LRRC7: variants seen among roughly 807,000 people sequenced by gnomAD.
LRRC7 encodes the protein leucine rich repeat containing 7.
Under a neutral mutation model 175.7 loss-of-function variants are expected in LRRC7, and 23 were observed. The observed-to-expected ratio is 0.13, with a 90% CI of 0.09 to 0.19. The LOEUF (loss-of-function observed/expected upper bound fraction) is 0.19. Ranked by LOEUF, LRRC7 falls within the 10% of genes least tolerant of loss-of-function variation. LRRC7 has a pLI of 1.00. For missense variants in LRRC7, 1,354 were observed against 1,904.7 expected (o/e 0.71, Z 5.38); for synonymous variants, 685 against 680.9 (o/e 1.01, Z -0.09).
rs181324458 is a variant in LRRC7 at position 70,040,593 on chromosome 1, G to A, written c.3969+800G>A. Among the ~76,000 whole-genome samples, 209 of 152,050 alleles carry A rather than the reference G, an allele frequency of 1.4e-3. 1 individual carries two copies. The highest frequency in any genetic ancestry group is 2.4e-3 in the Non-Finnish European group (160 of 67,972). On this transcript the variant is annotated intron_variant, in intron 21 of 26. Coordinates refer to ENST00000651989, the MANE Select transcript of LRRC7 (RefSeq NM_001370785.2). ...TCCCAGCACTTTGGGAGGCCGAGGC[G>A]GGCGGTCAGGAACTCGAGACCAGCC...
intron 22 of LRRC7, among the ~76,000 whole-genome samples, 175 bp from the exon 23 acceptor site, chr1:70,052,851 C>T (rs1660849622): frequency 6.6e-6 from 1 of 152,008 alleles, no homozygotes; most frequent in African/African-American, 2.4e-5. Context: ...TTCCAAAAAG[C>T]TTTCAATTTA....
rs538707734 is a variant in LRRC7 at position 70,036,595 on chromosome 1, T to C, written c.2259T>C (p.Asp753=). ...GGTCCTTGCAGACAACAGCTAAAGA[T>C]GCAGTACATAATTCTTTGTGGGGTA... ...KVGSLQTTAK[D]AVHNSLWGNR... Residue 753 remains aspartate (D), a synonymous_variant, in exon 20 of 27, where the codon GAT becomes GAC. Coordinates refer to ENST00000651989, the MANE Select transcript of LRRC7 (RefSeq NM_001370785.2). 5 of 1,613,802 alleles carry C rather than the reference T, an allele frequency of 3.1e-6. No homozygotes were observed. The South Asian group carries it at 5.5e-5, about 18-fold the overall frequency.
chr1:69,971,162 C>T (rs1652196898), intron 8 of LRRC7, among the ~76,000 whole-genome samples: 1 of 152,118 alleles, frequency 6.6e-6, no homozygotes, highest in Non-Finnish European at 1.5e-5. Flanking sequence ...AAATCCATAG[C>T]CAGCATAATA....
At chr1:69,891,960 G>T (rs560103242) in intron 7 of LRRC7, among the ~76,000 whole-genome samples, 1 of 136,800 alleles carries the variant, frequency 7.3e-6, no homozygotes, top group South Asian at 2.3e-4. Flanking sequence ...ACACGTGCCT[G>T]TATTCTCATC....
intron 23 of LRRC7, among the ~76,000 whole-genome samples, chr1:70,055,599 C>G (rs1174649098): frequency 6.6e-6 from 1 of 152,030 alleles, no homozygotes; most frequent in Non-Finnish European, 1.5e-5. Flanking sequence ...GGAGGTATAG[C>G]TAGGAAGGCC....
chr1:70,129,027 CT>C lies in LRRC7; in HGVS notation c.*7142del, dbSNP rs1052168019. Among the ~76,000 whole-genome samples the C allele has an allele frequency of 5.9e-5, 9 of 152,028 alleles. No homozygotes were observed. Among genetic ancestry groups the C allele is most frequent in the African/African-American group, 1.9e-4 (8 of 41,380 alleles). On this transcript the variant is annotated 3_prime_UTR_variant, in exon 27 of 27. Coordinates refer to ENST00000651989, the MANE Select transcript of LRRC7 (RefSeq NM_001370785.2). ...TAGGGAGGCCGAGGCAGGTGGATCA[CT>C]TGAGGTCAGGAATTGGATACCAGCC...
chr1:69,821,798 G>A (rs1679325364), intron 4 of LRRC7, among the ~76,000 whole-genome samples: 1 of 152,104 alleles, frequency 6.6e-6, no homozygotes, highest in East Asian at 1.9e-4. Context: ...GGGAGGCTGA[G>A]GCAGGATAAT....
At chr1:69,954,030 G>A (rs1460565709) in intron 8 of LRRC7, among the ~76,000 whole-genome samples, 2 of 151,962 alleles carry the variant, frequency 1.3e-5, no homozygotes, top group African/African-American at 4.8e-5. Flanking sequence ...GTTTCTACCA[G>A]GTACCTGGCC....
chr1:69,913,970 C>A (rs1224075399), intron 7 of LRRC7, among the ~76,000 whole-genome samples: 1 of 152,068 alleles, frequency 6.6e-6, no homozygotes, highest in Non-Finnish European at 1.5e-5. Flanking sequence ...ATAAAATTGA[C>A]AGGTCTAAAT....
At chr1:69,729,552 C>T (rs1667337300) in intron 2 of LRRC7, among the ~76,000 whole-genome samples, 1 of 152,212 alleles carries the variant, frequency 6.6e-6, no homozygotes, top group South Asian at 2.1e-4. Context: ...AAATTATCTT[C>T]TTTGACTCTA....
intron 7 of LRRC7, among the ~76,000 whole-genome samples, chr1:69,882,559 A>C (rs1321773038): frequency 6.6e-6 from 1 of 152,116 alleles, no homozygotes; most frequent in Non-Finnish European, 1.5e-5. Flanking sequence ...AGCCTTAAAA[A>C]CAGAGATTCT....
chr1:69,861,837 G>C (rs1168884686), intron 7 of LRRC7, among the ~76,000 whole-genome samples: 2 of 152,096 alleles, frequency 1.3e-5, no homozygotes, highest in Non-Finnish European at 1.5e-5. Context: ...GGAAATCACA[G>C]GTGTTCTTGC....
At chr1:69,677,577 T>C (rs888740001) in intron 1 of LRRC7, among the ~76,000 whole-genome samples, 1 of 152,048 alleles carries the variant, frequency 6.6e-6, no homozygotes, top group Non-Finnish European at 1.5e-5. Flanking sequence ...CCAACATCTA[T>C]TGTATTTTGA....
In LRRC7 at chr1:69,986,402, T is replaced by C; in HGVS notation, c.931+16T>C. 1 of 1,597,438 alleles carries C rather than the reference T, an allele frequency of 6.3e-7. No individual in the cohort carries two copies. Among genetic ancestry groups the C allele is most frequent in the Non-Finnish European group, 8.5e-7 (1 of 1,172,752 alleles). ...GATTCTATAGGTGAGAATATAATATTTTGTCACAAATATTTATGTCAAATA... is the reference window on the plus strand; with the variant it reads ...GATTCTATAGGTGAGAATATAATATCTTGTCACAAATATTTATGTCAAATA... On this transcript the variant is annotated intron_variant, in intron 10 of 26. Transcript: ENST00000651989.
chr1:69,716,715 G>A (rs781190253), intron 2 of LRRC7, among the ~76,000 whole-genome samples: 1 of 151,846 alleles, frequency 6.6e-6, no homozygotes, highest in Non-Finnish European at 1.5e-5. Flanking sequence ...CAAAGCGGGA[G>A]CTTTGCATTT....
chr1:69,734,505 A>G (rs1002978476), intron 2 of LRRC7, among the ~76,000 whole-genome samples: 1 of 151,954 alleles, frequency 6.6e-6, no homozygotes, highest in African/African-American at 2.4e-5. Flanking sequence ...ACTTCTTATC[A>G]TTATCTACAA....
chr1:69,837,868 AT>A (rs1211387798), intron 6 of LRRC7, among the ~76,000 whole-genome samples: 2 of 148,882 alleles, frequency 1.3e-5, no homozygotes, highest in Non-Finnish European at 3.0e-5. Context: ...GTAAAAAAAA[AT>A]TTGGACATAG....
intron 7 of LRRC7, among the ~76,000 whole-genome samples, chr1:69,892,980 A>T (rs1157750727): frequency 1.3e-5 from 2 of 152,216 alleles, no homozygotes; most frequent in Non-Finnish European, 2.9e-5. Context: ...TAAGAATCAA[A>T]TTATATTAAT....
At chr1:69,665,405 T>A (rs542705978) in intron 1 of LRRC7, among the ~76,000 whole-genome samples, 84 of 152,246 alleles carry the variant, frequency 5.5e-4, no homozygotes, top group African/African-American at 1.9e-3. Flanking sequence ...AGTATGGACA[T>A]TTTTACATTG....
Sources: allele counts gnomAD v4.1 joint callset (sites outside exome capture counted in the v4.1 genomes callset), GRCh38; gene constraint gnomAD v4.1.1; transcripts MANE v1.5; gene names NCBI Gene and HGNC (gene_info 2026-07-23, HGNC 2026-07-21).